Variants in RNF125 observed in about 807,000 individuals in gnomAD.
The protein encoded by RNF125 is E3 ubiquitin-protein ligase RNF125.
In RNF125, 21 loss-of-function variants were observed where a neutral mutation model predicts 26.0. The ratio of observed to expected loss-of-function variants is 0.81; its 90% CI spans 0.57 to 1.16. RNF125 has a LOEUF of 1.16. Ranked by LOEUF, RNF125 falls within the 50% of genes most tolerant of loss-of-function variation. RNF125 has a pLI of 0.00. For synonymous variants in RNF125, 95 were observed against 109.2 expected (o/e 0.87, Z 0.81); for missense variants, 270 against 299.4 (o/e 0.90, Z 0.72).
At chr18:32,022,211 G>A (rs2038992659) in intron 1 of RNF125, among the ~76,000 whole-genome samples, 1 of 152,098 alleles carries the variant, frequency 6.6e-6, no homozygotes, top group South Asian at 2.1e-4. Flanking sequence ...GCTGATTTTT[G>A]TTTGTAAACC....
In RNF125 at chr18:32,072,485, C is replaced by T. The variant is rs924635738; in HGVS notation, c.*4101C>T. Reference sequence around the variant, plus strand: ...TTAAGTCATCTGTCACTATTAACCTCAGTGCAGCAATTCTGACTCCTGTGC... The same window carrying T: ...TTAAGTCATCTGTCACTATTAACCTTAGTGCAGCAATTCTGACTCCTGTGC... On this transcript the variant is annotated 3_prime_UTR_variant, in exon 6 of 6. Coordinates refer to ENST00000217740, the MANE Select transcript of RNF125 (RefSeq NM_017831.4). 6.6e-6 allele frequency: 1 copy of T among 152,182 alleles called. No homozygotes were observed. The allele number at this position is 152,182 out of a possible 1,614,324, so 9.4% of individuals were successfully genotyped here.
At chr18:32,073,949 T>C (rs982489378), downstream of RNF125, among the ~76,000 whole-genome samples, 1 of 152,248 alleles carries the variant, frequency 6.6e-6, no homozygotes, top group Non-Finnish European at 1.5e-5. Flanking sequence ...TCGTGTGGTA[T>C]TTTAATCCTA....
At position 32,068,459 on chromosome 18, in the gene RNF125, G is replaced by C; in HGVS notation, c.*75G>C. The C allele has an allele frequency of 1.2e-6, 1 of 865,284 alleles. No homozygotes were observed. 53.6% of individuals were successfully genotyped at this position (865,284 alleles called of 1,614,324 possible). On this transcript the variant is annotated 3_prime_UTR_variant, in exon 6 of 6. Coordinates refer to ENST00000217740, the MANE Select transcript of RNF125 (RefSeq NM_017831.4). ...TGCTGCTTGAACAAATGGGAGGGAA[G>C]TTGTCAATGATTGATGGGCAAAAAT...
intron 1 of RNF125, among the ~76,000 whole-genome samples, chr18:32,022,354 A>T (rs926874990): frequency 6.6e-5 from 10 of 152,216 alleles, no homozygotes; most frequent in African/African-American, 2.4e-4. Flanking sequence ...CACCTCTGCC[A>T]CTAGCCAGAT....
intron 1 of RNF125, among the ~76,000 whole-genome samples, chr18:32,036,149 C>G (rs1598812658): frequency 1.1e-5 from 1 of 88,422 alleles, no homozygotes; most frequent in African/African-American, 5.0e-5. Context: ...AGCAAGACTC[C>G]ATCTCAAAAA....
At chr18:32,079,156 T>C in the RNF125 span, among the ~76,000 whole-genome samples, 2 of 152,180 alleles carry the variant, frequency 1.3e-5, no homozygotes, top group Non-Finnish European at 2.9e-5. Flanking sequence ...AAAAATACCA[T>C]AGACTGGGTG....
chr18:32,076,139 C>A (rs1368477593), downstream of RNF125: 3 of 584,654 alleles, frequency 5.1e-6, no homozygotes. Context: ...GCCAATGTAA[C>A]CATGCTTCAT....
chr18:32,053,012 A>G (rs541011915), intron 4 of RNF125, among the ~76,000 whole-genome samples: 1 of 152,366 alleles, frequency 6.6e-6, no homozygotes, highest in East Asian at 1.9e-4. Context: ...TTTCTATTAA[A>G]TATTAAATCA....
At chr18:32,088,489 T>C in the RNF125 span, among the ~76,000 whole-genome samples, 5 of 152,064 alleles carry the variant, frequency 3.3e-5, no homozygotes, top group African/African-American at 1.2e-4. Context: ...GACTGGAGAG[T>C]TTTATTTACT....
intron 5 of RNF125, among the ~76,000 whole-genome samples, chr18:32,067,422 C>G (rs2039494745): frequency 6.6e-6 from 1 of 152,236 alleles, no homozygotes; most frequent in Admixed American, 6.5e-5. Context: ...CAGCCACTCA[C>G]AGCCATATTC....
chr18:32,066,187 C>T lies in RNF125; in HGVS notation c.612+178C>T, dbSNP rs1003467620. 4.5e-5 allele frequency: 20 copies of T among 440,928 alleles called. No individual in the cohort carries two copies. In the East Asian group the frequency reaches 5.5e-4, roughly 12 times the overall value. The allele number at this position is 440,928 out of a possible 1,614,324, so 27.3% of individuals were successfully genotyped here. A position where few individuals can be genotyped will look rare whatever the true frequency, so the allele number is the denominator to read the frequency against. ...TGTTTTGGCCTGGTGCAGTGGCTCACGCCTGTAATCCCAACACTTTGGGAG... is the reference window on the plus strand; with the variant it reads ...TGTTTTGGCCTGGTGCAGTGGCTCATGCCTGTAATCCCAACACTTTGGGAG... On this transcript the variant is annotated intron_variant, in intron 5 of 5. Coordinates refer to ENST00000217740, the MANE Select transcript of RNF125 (RefSeq NM_017831.4).
intron 4 of RNF125, among the ~76,000 whole-genome samples, chr18:32,051,012 C>G (rs75901996): frequency 0.017 from 2,508 of 151,312 alleles, 24 homozygotes; most frequent in Non-Finnish European, 0.028. Context: ...CATGAGCCAC[C>G]GCGCCTGGCC....
At chr18:32,064,337 A>T (rs964320693) in intron 4 of RNF125, among the ~76,000 whole-genome samples, 2 of 150,754 alleles carry the variant, frequency 1.3e-5, no homozygotes, top group African/African-American at 2.4e-5. Flanking sequence ...ACTATATCTC[A>T]CACACACACA....
chr18:32,082,339 C>T, the RNF125 span, among the ~76,000 whole-genome samples: 2 of 151,972 alleles, frequency 1.3e-5, no homozygotes, highest in East Asian at 3.8e-4. Flanking sequence ...CACACACACA[C>T]ATATATATAC....
intron 4 of RNF125, among the ~76,000 whole-genome samples, chr18:32,050,159 A>G (rs1311664384): frequency 2.0e-5 from 3 of 152,110 alleles, no homozygotes; most frequent in Non-Finnish European, 4.4e-5. Flanking sequence ...TAATTAGATA[A>G]CTCAGAGATC....
At chr18:32,077,978 C>T (rs981524646), downstream of RNF125, among the ~76,000 whole-genome samples, 1 of 151,912 alleles carries the variant, frequency 6.6e-6, no homozygotes, top group Non-Finnish European at 1.5e-5. Context: ...TTTGTAGAGA[C>T]AGGGTCTCAC....
At chr18:32,065,210 G>GTTGTTTTTTGTTGTTA (rs1232687076) in intron 4 of RNF125, among the ~76,000 whole-genome samples, 1 of 152,052 alleles carries the variant, frequency 6.6e-6, no homozygotes. Flanking sequence ...GTTACCTGTT[G>GTTGTTTTTTGTTGTTA]TTGTTTTTTG....
Position 32,018,885 on chromosome 18 carries a change from G to C in RNF125, c.22G>C (p.Asp8His). Residue 8 changes from aspartate (D) to histidine (H), a missense_variant, in exon 1 of 6, where the codon GAC becomes CAC. Coordinates refer to ENST00000217740, the MANE Select transcript of RNF125 (RefSeq NM_017831.4). ...AGCGATGGGCTCCGTGCTGAGCACC[G>C]ACAGCGGCAAATCGGCGCCCGCCTC... is the stretch of plus-strand genomic sequence containing the variant. MGSVLST[D>H]SGKSAPASAT... is the part of the protein sequence containing the mutation. The C allele has an allele frequency of 6.3e-7, 1 of 1,593,014 alleles. No individual in the cohort carries two copies. The highest frequency in any genetic ancestry group is 8.5e-7 in the Non-Finnish European group (1 of 1,170,176).
the RNF125 span, among the ~76,000 whole-genome samples, chr18:32,081,118 C>T: frequency 4.1e-5 from 6 of 146,036 alleles, no homozygotes; most frequent in Non-Finnish European, 6.0e-5. Flanking sequence ...CGCTTGCATC[C>T]GGGAGGCAGA....
Sources: allele counts gnomAD v4.1 joint callset (sites outside exome capture counted in the v4.1 genomes callset), GRCh38; gene constraint gnomAD v4.1.1; transcripts MANE v1.5; gene names NCBI Gene and HGNC (gene_info 2026-07-23, HGNC 2026-07-21).